The following ARAP1 variants were observed in gnomAD, a reference collection of about 807,000 sequenced individuals.
ARAP1 encodes arf-GAP with Rho-GAP domain, ANK repeat and PH domain-containing protein 1.
In ARAP1, 76 loss-of-function variants were observed where a neutral mutation model predicts 172.2. The observed-to-expected ratio is 0.44, with a 90% CI of 0.37 to 0.53. The LOEUF is 0.53. ARAP1 is among the 20% of genes least tolerant of loss of function. ARAP1 has a pLI of 0.00. For missense variants in ARAP1, 1,686 were observed against 1,977.5 expected (o/e 0.85, Z 2.80); for synonymous variants, 804 against 803.3 (o/e 1.00, Z -0.01).
chr11:72,714,585 A>G (rs961361256), intron 3 of ARAP1, among the ~76,000 whole-genome samples: 6 of 152,106 alleles, frequency 3.9e-5, no homozygotes, highest in Non-Finnish European at 5.9e-5. Context: ...TTAGTCACAT[A>G]TATCTACTGG....
In ARAP1 at chr11:72,690,321, G is replaced by A. The variant is rs148861255; in HGVS notation, c.3988-1784C>T. 9.8e-3 allele frequency among the ~76,000 whole-genome samples: 1,491 copies of A among 152,268 alleles called. 91 individuals carry two copies. Among genetic ancestry groups the A allele is most frequent in the Admixed American group, 0.088 (1,341 of 15,278 alleles). On this transcript the variant is annotated intron_variant, in intron 30 of 34. Transcript: ENST00000393609. ...GGCCTCCGATTCCTTGGGGTCTGAT[G>A]TGCATGACATGTGTGTGATGTAAGG... is the stretch of plus-strand genomic sequence containing the variant.
Position 72,693,250 on chromosome 11 carries a change from G to A in ARAP1, c.3954+75C>T. The A allele has an allele frequency of 1.3e-6, 2 of 1,554,666 alleles. No homozygotes were observed. The highest frequency in any genetic ancestry group is 1.7e-6 in the Non-Finnish European group (2 of 1,143,322). The stretch of plus-strand genomic sequence containing the variant: ...TGTAACGGGAATATTTCCACTTGCA[G>A]ACCAAGGGGAATCTCTGAGCACATT... On this transcript the variant is annotated intron_variant, in intron 29 of 34. Transcript: ENST00000393609. This position sits in a 1 kb window ranked among gnomAD's most constrained non-coding sequence, Gnocchi z 4.6.
intron 1 of ARAP1, among the ~76,000 whole-genome samples, chr11:72,751,467 C>T (rs1858528753): frequency 6.6e-6 from 1 of 152,110 alleles, no homozygotes. Context: ...CTGTGATGAT[C>T]TTGCTGGGCA....
chr11:72,698,143 A>G (rs1251099266), intron 18 of ARAP1, 37 bp from the exon 19 acceptor site: 6 of 1,542,644 alleles, frequency 3.9e-6, no homozygotes, highest in African/African-American at 1.4e-5. Flanking sequence ...GCATCAGCCA[A>G]CGGCACTGCC....
intron 20 of ARAP1, 46 bp downstream of exon 20, chr11:72,697,552 G>T (rs767846099): frequency 1.2e-6 from 2 of 1,613,524 alleles, no homozygotes; most frequent in Non-Finnish European, 1.7e-6. Flanking sequence ...AGGCCCATCA[G>T]ACTGCTCCAG....
chr11:72,705,916 A>G, intron 12 of ARAP1, 26 bp from the exon 13 acceptor site: 4 of 1,611,828 alleles, frequency 2.5e-6, no homozygotes, highest in Non-Finnish European at 3.4e-6. Flanking sequence ...CAGACCCAGA[A>G]TCACCTGGGC....
At chr11:72,720,971 G>T (rs1317867948) in intron 3 of ARAP1, among the ~76,000 whole-genome samples, 1 of 152,166 alleles carries the variant, frequency 6.6e-6, no homozygotes, top group East Asian at 1.9e-4. Context: ...AGCTCTAAGC[G>T]CTTCCCAGGC....
intron 1 of ARAP1, among the ~76,000 whole-genome samples, chr11:72,747,492 A>G (rs767845687): frequency 1.3e-5 from 2 of 152,164 alleles, no homozygotes; most frequent in Admixed American, 6.5e-5. Flanking sequence ...CCTTGTAACA[A>G]GGCAGTGTGG....
rs554560633 is a variant in ARAP1 at position 72,729,088 on chromosome 11, C to T, written c.-44-1916G>A. 3.9e-5 allele frequency among the ~76,000 whole-genome samples: 6 copies of T among 152,194 alleles called. No homozygotes were observed. In the East Asian group the frequency reaches 1.2e-3, roughly 29 times the overall value. On this transcript the variant is annotated intron_variant, in intron 2 of 34. Coordinates refer to ENST00000393609, the MANE Select transcript of ARAP1 (RefSeq NM_001040118.3). ...GGTAACAGTGCATGAACAGACAGATCAATTAAACAGAACAGAAAGTTCAAA... is the reference window on the plus strand; with the variant it reads ...GGTAACAGTGCATGAACAGACAGATTAATTAAACAGAACAGAAAGTTCAAA...
chr11:72,687,608 C>T, intron 32 of ARAP1, 80 bp downstream of exon 32: 6 of 1,612,464 alleles, frequency 3.7e-6, no homozygotes, highest in Non-Finnish European at 5.1e-6. Flanking sequence ...CAGATCTGGG[C>T]AGTGATGAGG....
In ARAP1 at chr11:72,714,234, G is replaced by A. The variant is rs1287084781; in HGVS notation, c.597C>T (p.Pro199=). The change falls in exon 4 of 35, where the codon CCC becomes CCT. Residue 199 remains proline (P), a synonymous_variant. Transcript: ENST00000393609. ...GAGAGGGAGGCTGGGGAGGCCCCTG[G>A]GGGAGGGTGGACAGGGGCTCCTCAG... is the stretch of plus-strand genomic sequence containing the variant. The part of the protein sequence containing the change: ...PQSEEPLSTL[P]QGPPQPPSPP... 2 of 1,527,968 alleles carry A rather than the reference G, an allele frequency of 1.3e-6. No individual in the cohort carries two copies. Among genetic ancestry groups the A allele is most frequent in the Admixed American group, 2.3e-5 (1 of 43,710 alleles). The allele number at this position is 1,527,968 out of a possible 1,614,324, so 94.7% of individuals were successfully genotyped here.
In ARAP1 at chr11:72,694,740, A is replaced by C. The variant is rs3816777; in HGVS notation, c.3694+240T>G. On this transcript the variant is annotated intron_variant, in intron 27 of 34. Transcript: ENST00000393609. ...CAAGACCACCTTTACCATAAAATAC[A>C]TTTCTCACCTCAACCATCACCACTG... 0.51 allele frequency among the ~76,000 whole-genome samples: 76,662 copies of C among 151,696 alleles called. 19,505 individuals are homozygous for C. Among genetic ancestry groups the C allele is most frequent in the Non-Finnish European group, 0.55 (37,216 of 67,886 alleles).
chr11:72,746,173 G>T (rs1336039951), intron 1 of ARAP1, among the ~76,000 whole-genome samples: 2 of 151,396 alleles, frequency 1.3e-5, no homozygotes, highest in Admixed American at 1.3e-4. Flanking sequence ...CCCCGCCCTA[G>T]TGTCCACGGG....
Position 72,696,651 on chromosome 11 carries a change from A to G in ARAP1, c.3170T>C (p.Ile1057Thr), listed in dbSNP as rs1382480780. 7 of 1,588,534 alleles carry G rather than the reference A, an allele frequency of 4.4e-6. No homozygotes were observed. The highest frequency in any genetic ancestry group is 1.8e-5 in the Admixed American group (1 of 55,724). The change falls in exon 23 of 35, where the codon ATT becomes ACT. Residue 1057 changes from isoleucine to threonine, a missense_variant. Physicochemically the swap from Ile to Thr is moderately conservative, Grantham distance 89 (BLOSUM62 -1). Transcript: ENST00000393609. Reference sequence around the variant, plus strand: ...GGAGACCTTCTCCTCCTCGTCCTCAATCTCTGGGTGGGAAAGATAAATCAA... The same window carrying G: ...GGAGACCTTCTCCTCCTCGTCCTCAGTCTCTGGGTGGGAAAGATAAATCAA... The part of the protein sequence containing the change: ...QRLTWLEASE[I>T]EDEEEKVSRY...
chr11:72,698,873 C>T (rs899178748), intron 18 of ARAP1, 132 bp downstream of exon 18: 35 of 953,056 alleles, frequency 3.7e-5, no homozygotes, highest in African/African-American at 3.5e-4. Flanking sequence ...GGGACAGGCC[C>T]GCTCCATGTC....
chr11:72,695,386 C>T lies in ARAP1; in HGVS notation c.3576+1G>A, dbSNP rs761528530. ...CTTGGCTTCTAGGTCCCAGCACCTACCTTGATATGCTGCTCAGTCTCTGCC... is the reference window on the plus strand; with the variant it reads ...CTTGGCTTCTAGGTCCCAGCACCTATCTTGATATGCTGCTCAGTCTCTGCC... On this transcript the variant is annotated splice_donor_variant, in intron 26 of 34. Transcript: ENST00000393609. LOFTEE classifies it high-confidence loss of function. This position sits in a 1 kb window ranked among gnomAD's most constrained non-coding sequence, Gnocchi z 4.4. The T allele has an allele frequency of 2.5e-6, 4 of 1,614,082 alleles. No homozygotes were observed. The African/African-American group carries it at 5.3e-5, about 22-fold the overall frequency.
At chr11:72,694,206 A>G (rs564546703) in intron 27 of ARAP1, among the ~76,000 whole-genome samples, 7 of 151,646 alleles carry the variant, frequency 4.6e-5, no homozygotes, top group Admixed American at 3.9e-4. Flanking sequence ...CCCAGCCCAC[A>G]TTACCGCCTT....
At position 72,695,828 on chromosome 11, in the gene ARAP1, G is replaced by T; in HGVS notation, c.3310C>A (p.His1104Asn). 6.2e-7 allele frequency: 1 copy of T among 1,614,090 alleles called. No individual in the cohort carries two copies. The highest frequency in any genetic ancestry group is 1.1e-5 in the South Asian group (1 of 91,060). Residue 1104 changes from histidine (H) to asparagine (N), a missense_variant, in exon 24 of 35, where the codon CAC becomes AAC. Around this residue, in one of 5 missense-constraint regions of ARAP1, gnomAD observed 379 missense variants for 500.1 expected, o/e 0.76. Transcript: ENST00000393609. The surrounding 1 kb of genome is among the most constrained non-coding windows in gnomAD (Gnocchi z 4.4). ...GGCCCAAACACAATTGCCAGGTTGTGCACGTTCATCTGGTTCGTGTCTGAG... is the reference window on the plus strand; with the variant it reads ...GGCCCAAACACAATTGCCAGGTTGTTCACGTTCATCTGGTTCGTGTCTGAG... Reference protein sequence around the residue: ...CFSDTNQMNVHNLAIVFGPTL... With the variant: ...CFSDTNQMNVNNLAIVFGPTL...
At chr11:72,719,632 A>T (rs1857424755) in intron 3 of ARAP1, among the ~76,000 whole-genome samples, 1 of 152,162 alleles carries the variant, frequency 6.6e-6, no homozygotes. Context: ...GCGGCCTCTA[A>T]TGCCACCTCC....
Sources: gnomAD v4.1 joint callset for allele counts (sites outside exome capture counted in the v4.1 genomes callset) on GRCh38, gnomAD v4.1.1 for gene constraint, gnomAD v4.1.1 regional missense constraint, Gnocchi (gnomAD v3.1) non-coding constraint, MANE v1.5 for transcripts, NCBI Gene and HGNC (gene_info 2026-07-23, HGNC 2026-07-21) for gene names.